The following ABCG5 variants were observed in gnomAD, a reference collection of about 807,000 sequenced individuals.
The protein encoded by ABCG5 is ATP-binding cassette sub-family G member 5.
A neutral mutation model predicts 64.5 loss-of-function variants in ABCG5; 64 were observed. The ratio of observed to expected loss-of-function variants is 0.99; its 90% CI spans 0.81 to 1.22. The LOEUF (loss-of-function observed/expected upper bound fraction) is 1.22. Among genes scored for constraint, ABCG5 ranks in the 50% most tolerant of loss-of-function variants. The pLI, the probability that ABCG5 is intolerant of heterozygous loss-of-function variation, is 0.00. For synonymous variants in ABCG5, 385 were observed against 326.3 expected, an observed-to-expected ratio of 1.18 and a Z score of -1.94; for missense variants, 908 against 829.5, an observed-to-expected ratio of 1.09 and a Z score of -1.16.
At chr2:43,810,854 TTGG>T (rs1221696858), downstream of ABCG5, among the ~76,000 whole-genome samples, 1 of 152,214 alleles carries the variant, frequency 6.6e-6, no homozygotes, top group Non-Finnish European at 1.5e-5. Context: ...CATCACTGAC[TTGG>T]TGGGAAGAAA....
intron 6 of ABCG5, 130 bp downstream of exon 6, chr2:43,826,252 A>G: frequency 7.2e-7 from 1 of 1,394,622 alleles, no homozygotes; most frequent in Non-Finnish European, 9.9e-7. Context: ...CTCCTGCCTC[A>G]GCCTCCCAAA....
chr2:43,838,397 C>A lies in ABCG5; in HGVS notation c.143+140G>T. On this transcript the variant is annotated intron_variant, in intron 1 of 12. Transcript: ENST00000405322. This position sits in a 1 kb window ranked among gnomAD's most constrained non-coding sequence, Gnocchi z 4.2. ...GTTTCCCAGCACAGCCCTTCTCCCT[C>A]TCCTCTCTCCACCCGATCCACTAAA... is the stretch of plus-strand genomic sequence containing the variant. 1.3e-6 allele frequency: 1 copy of A among 798,202 alleles called. No homozygotes were observed. Among genetic ancestry groups the A allele is most frequent in the Non-Finnish European group, 2.0e-6 (1 of 505,948 alleles). The allele number at this position is 798,202 out of a possible 1,614,324, so 49.4% of individuals were successfully genotyped here.
chr2:43,826,316 C>A (rs1292575779), intron 6 of ABCG5, 66 bp downstream of exon 6: 2 of 1,609,128 alleles, frequency 1.2e-6, no homozygotes, highest in Admixed American at 3.3e-5. Flanking sequence ...ACAAATCTTG[C>A]CCCTGCCCCT....
chr2:43,813,834 C>T (rs1666643788), intron 12 of ABCG5, among the ~76,000 whole-genome samples: 1 of 146,702 alleles, frequency 6.8e-6, no homozygotes, highest in Non-Finnish European at 1.5e-5. Context: ...TCTCATGCTT[C>T]AGCCTCCTGT....
At chr2:43,835,075 T>C (rs532805584) in intron 2 of ABCG5, among the ~76,000 whole-genome samples, 32 of 152,324 alleles carry the variant, frequency 2.1e-4, no homozygotes, top group Non-Finnish European at 7.3e-5. Flanking sequence ...TAGAATACAG[T>C]CCCTGCCCTT....
chr2:43,837,955 G>C lies in ABCG5; in HGVS notation c.144C>G (p.Ser48Arg), dbSNP rs1182768861. ...LGILHASYSVSHRVRPWWDIT... is the reference protein window; with the variant it reads ...LGILHASYSVRHRVRPWWDIT... The stretch of plus-strand genomic sequence containing the variant: ...TGTCCCACCAGGGCCTCACGCGGTG[G>C]CTTTAAAGGAAACCCCAGGAAGGCA... The change falls in exon 2 of 13, where the codon AGC becomes AGG. Residue 48 changes from serine (S) to arginine (R), a missense_variant and splice_region_variant. By Grantham distance (110) the Ser-to-Arg change is moderately radical. Coordinates refer to ENST00000405322, the MANE Select transcript of ABCG5 (RefSeq NM_022436.3). 1 of 1,613,786 alleles carries C rather than the reference G, an allele frequency of 6.2e-7. No individual in the cohort carries two copies. The highest frequency in any genetic ancestry group is 2.2e-5 in the East Asian group (1 of 44,886).
In ABCG5 at chr2:43,831,963, A is replaced by C. The variant is rs901129455; in HGVS notation, c.386T>G (p.Phe129Cys). 6.4e-7 allele frequency: 1 copy of C among 1,550,530 alleles called. No individual in the cohort carries two copies. The highest frequency in any genetic ancestry group is 8.7e-7 in the Non-Finnish European group (1 of 1,147,122). The change falls in exon 3 of 13, where the codon TTC (phenylalanine) becomes TGC (cysteine). Residue 129 changes from phenylalanine (F) to cysteine (C), a missense_variant. Physicochemically the swap from Phe to Cys is radical, Grantham distance 205 (BLOSUM62 -2). Transcript: ENST00000405322. Reference sequence around the variant, plus strand: ...CGCGCCCACCTGCAGGACGTAGGAGAAGCAGTCCTGGAACTGCTCCCGGCG... The same window carrying C: ...CGCGCCCACCTGCAGGACGTAGGAGCAGCAGTCCTGGAACTGCTCCCGGCG... Reference protein sequence around the residue: ...ALRREQFQDCFSYVLQSDTLL... With the variant: ...ALRREQFQDCCSYVLQSDTLL...
In ABCG5 at chr2:43,838,697, G is replaced by C; in HGVS notation, c.-18C>G. 15 of 1,613,108 alleles carry C rather than the reference G, an allele frequency of 9.3e-6. No individual in the cohort carries two copies. Among genetic ancestry groups the C allele is most frequent in the Non-Finnish European group, 1.3e-5 (15 of 1,179,718 alleles). ...TCACCCATGGCCAACAGGCAGCAAA[G>C]CTGGGCAAATTTTCTGGTGGCCGGA... On this transcript the variant is annotated 5_prime_UTR_variant, in exon 1 of 13. Transcript: ENST00000405322. This position sits in a 1 kb window ranked among gnomAD's most constrained non-coding sequence, Gnocchi z 4.2.
chr2:43,814,725 A>G, intron 11 of ABCG5, 136 bp from the exon 12 acceptor site: 2 of 598,602 alleles, frequency 3.3e-6, no homozygotes, highest in Non-Finnish European at 5.9e-6. Flanking sequence ...GATGCTCACT[A>G]TAAAAAAACC....
Position 43,833,208 on chromosome 2 carries a change from G to T in ABCG5, c.266-1125C>A, listed in dbSNP as rs1244615980. Reference sequence around the variant, plus strand: ...CATAGGCCCAGAGTTCATGGAGACAGAATAGACCTCCCAGGCCTTTCCTAT... The same window carrying T: ...CATAGGCCCAGAGTTCATGGAGACATAATAGACCTCCCAGGCCTTTCCTAT... On this transcript the variant is annotated intron_variant, in intron 2 of 12. Coordinates refer to ENST00000405322, the MANE Select transcript of ABCG5 (RefSeq NM_022436.3). Among the ~76,000 whole-genome samples the T allele has an allele frequency of 2.0e-5, 3 of 152,228 alleles. No individual in the cohort carries two copies. In the South Asian group the frequency reaches 6.2e-4, roughly 32 times the overall value.
intron 11 of ABCG5, among the ~76,000 whole-genome samples, chr2:43,816,688 C>G (rs775332984): frequency 6.6e-6 from 1 of 152,122 alleles, no homozygotes; most frequent in South Asian, 2.1e-4. Flanking sequence ...AAATTACAGG[C>G]ACGTGACACC....
chr2:43,822,644 T>C (rs1294833835), intron 10 of ABCG5, 153 bp downstream of exon 10: 1 of 982,638 alleles, frequency 1.0e-6, no homozygotes, highest in Non-Finnish European at 1.2e-6. Flanking sequence ...AAAATTAATG[T>C]CCTGGAAGAT....
intron 11 of ABCG5, among the ~76,000 whole-genome samples, chr2:43,819,081 CAT>C (rs1667027960): frequency 6.6e-6 from 1 of 152,168 alleles, no homozygotes; most frequent in Admixed American, 6.5e-5. Context: ...TAAACACACA[CAT>C]ATACTTTTAT....
intron 12 of ABCG5, 108 bp from the exon 13 acceptor site, chr2:43,813,417 A>G: frequency 3.8e-6 from 3 of 791,250 alleles, no homozygotes; most frequent in Non-Finnish European, 4.3e-6. Context: ...AATACAGGAC[A>G]CTTTAGCAAG....
downstream of ABCG5, chr2:43,809,963 C>T (rs1244746712): frequency 8.6e-6 from 11 of 1,285,284 alleles, no homozygotes; most frequent in South Asian, 2.3e-5. Flanking sequence ...TGTAGAACCA[C>T]GTGTAATTTT....
upstream of ABCG5, chr2:43,839,060 G>A (rs1009122651): frequency 9.7e-6 from 15 of 1,550,902 alleles, no homozygotes; most frequent in Middle Eastern, 1.7e-4. Context: ...CCCCATGGCC[G>A]GGAAGGCGGC....
intron 12 of ABCG5, among the ~76,000 whole-genome samples, chr2:43,814,247 A>G (rs1253479420): frequency 6.6e-6 from 1 of 152,200 alleles, no homozygotes; most frequent in Non-Finnish European, 1.5e-5. Flanking sequence ...GTCATTTTCT[A>G]ACAACATCCA....
downstream of ABCG5, among the ~76,000 whole-genome samples, chr2:43,811,282 A>G (rs1264047311): frequency 6.6e-6 from 1 of 152,208 alleles, no homozygotes; most frequent in Non-Finnish European, 1.5e-5. Flanking sequence ...CATGTCAAAG[A>G]CCTTTTATAA....
At position 43,813,318 on chromosome 2, in the gene ABCG5, G is replaced by A. The variant is rs761337468; in HGVS notation, c.1763-9C>T. On this transcript the variant is annotated splice_polypyrimidine_tract_variant and intron_variant, in intron 12 of 12. Transcript: ENST00000405322. ...AGAAACATTTGAGCTGCCTGTCAAG[G>A]AAAAGATTGACAGTGTCAGGTGTGG... 21 of 1,589,170 alleles carry A rather than the reference G, an allele frequency of 1.3e-5. No individual in the cohort carries two copies. Among genetic ancestry groups the A allele is most frequent in the Non-Finnish European group, 1.7e-5 (20 of 1,158,420 alleles).
Sources: gnomAD v4.1 joint callset for allele counts (sites outside exome capture counted in the v4.1 genomes callset) on GRCh38, gnomAD v4.1.1 for gene constraint, Gnocchi (gnomAD v3.1) non-coding constraint, MANE v1.5 for transcripts, NCBI Gene and HGNC (gene_info 2026-07-23, HGNC 2026-07-21) for gene names.